CARMIL1: variants seen among roughly 807,000 people sequenced by gnomAD.
CARMIL1 encodes the protein capping protein regulator and myosin 1 linker 1.
In CARMIL1, 90 loss-of-function variants were observed where a neutral mutation model predicts 177.1. The observed-to-expected ratio is 0.51, with a 90% confidence interval of 0.43 to 0.61. CARMIL1 has a LOEUF of 0.61. Ranked by LOEUF, CARMIL1 falls within the 20% of genes least tolerant of loss-of-function variation. The pLI is 0.00. For synonymous variants in CARMIL1, 577 were observed against 606.2 expected (o/e 0.95, Z 0.71); for missense variants, 1,380 against 1,667.0 (o/e 0.83, Z 3.00).
In CARMIL1 at chr6:25,594,432, AG is replaced by A; in HGVS notation, c.3025del (p.Val1009SerfsTer18). 6.2e-7 allele frequency: 1 copy of A among 1,611,420 alleles called. No individual in the cohort carries two copies. The highest frequency in any genetic ancestry group is 8.5e-7 in the Non-Finnish European group (1 of 1,178,566). ...TTTTGCAGGTCTGTGCTGCCAACAT[AG>A]TCTCACAAGATGGTGAACAGAATGG... ...TQAAVCAANI[V>X]SQDGEQNGLM... On this transcript the variant is annotated frameshift_variant, in exon 32 of 37. Transcript: ENST00000329474. LOFTEE classifies it high-confidence loss of function.
chr6:25,369,305 G>C (rs551045943), intron 2 of CARMIL1, among the ~76,000 whole-genome samples: 3 of 151,980 alleles, frequency 2.0e-5, no homozygotes, highest in Non-Finnish European at 1.5e-5. Context: ...TCAGTGTCTC[G>C]AGCTTTAGTT....
chr6:25,500,072 C>G (rs765774909), intron 16 of CARMIL1, 94 bp from the exon 17 acceptor site: 46 of 1,082,678 alleles, frequency 4.2e-5, no homozygotes, highest in Non-Finnish European at 5.4e-5. Context: ...GAAAAGGCAG[C>G]CTTCTTTCTC....
At chr6:25,381,918 C>A (rs1450033980) in intron 2 of CARMIL1, among the ~76,000 whole-genome samples, 1 of 152,070 alleles carries the variant, frequency 6.6e-6, no homozygotes, top group African/African-American at 2.4e-5. Context: ...GTTCCCCTGG[C>A]AACCACCAGC....
intron 11 of CARMIL1, among the ~76,000 whole-genome samples, chr6:25,474,482 A>G (rs992499579): frequency 6.6e-6 from 1 of 152,090 alleles, no homozygotes; most frequent in Non-Finnish European, 1.5e-5. Context: ...TGTCCTTAAT[A>G]TGGTTATTGT....
chr6:25,451,249 A>G (rs1363138515), intron 8 of CARMIL1, among the ~76,000 whole-genome samples: 1 of 152,020 alleles, frequency 6.6e-6, no homozygotes, highest in Non-Finnish European at 1.5e-5. Context: ...TTACCATAAA[A>G]ACAGTATAAT....
At chr6:25,513,742 A>C (rs1243226592) in intron 20 of CARMIL1, among the ~76,000 whole-genome samples, 1 of 152,122 alleles carries the variant, frequency 6.6e-6, no homozygotes, top group Non-Finnish European at 1.5e-5. Context: ...CCACCCAGGC[A>C]CACCTTGAGA....
chr6:25,557,795 T>C (rs1158171895), intron 29 of CARMIL1, among the ~76,000 whole-genome samples: 15 of 152,196 alleles, frequency 9.9e-5, no homozygotes, highest in Non-Finnish European at 1.9e-4. Flanking sequence ...GGAGGGAATG[T>C]AGTGTGTTAA....
At chr6:25,487,724 C>A (rs1183968494) in intron 12 of CARMIL1, among the ~76,000 whole-genome samples, 1 of 152,150 alleles carries the variant, frequency 6.6e-6, no homozygotes, top group Non-Finnish European at 1.5e-5. Context: ...GAAATGGCCC[C>A]CTAGACAACC....
rs968649618 is a variant in CARMIL1 at position 25,550,798 on chromosome 6, G to A, written c.2329-112G>A. ...CTTGGTTGCGCTCTGGGACTCCGTC[G>A]TGCTCCTGTTCTCTGAGGGCTCCGT... On this transcript the variant is annotated intron_variant, in intron 26 of 36. Coordinates refer to ENST00000329474, the MANE Select transcript of CARMIL1 (RefSeq NM_017640.6). The A allele has an allele frequency of 6.1e-5, 57 of 930,914 alleles. 1 individual carries two copies. Among genetic ancestry groups the A allele is most frequent in the East Asian group, 2.4e-4 (10 of 41,220 alleles). 57.7% of individuals were successfully genotyped at this position (930,914 alleles called of 1,614,324 possible).
chr6:25,530,214 G>A (rs962455707), intron 24 of CARMIL1, among the ~76,000 whole-genome samples: 17 of 151,862 alleles, frequency 1.1e-4, no homozygotes, highest in African/African-American at 3.4e-4. Context: ...ATCTTAAAGC[G>A]TTCCAGAAAG....
intron 2 of CARMIL1, among the ~76,000 whole-genome samples, chr6:25,405,493 C>G (rs558699489): frequency 6.6e-6 from 1 of 152,282 alleles, no homozygotes; most frequent in East Asian, 1.9e-4. Flanking sequence ...TACCTGAAAT[C>G]CTTTATTAAA....
intron 36 of CARMIL1, among the ~76,000 whole-genome samples, chr6:25,615,531 G>T (rs1816825478): frequency 6.6e-6 from 1 of 152,138 alleles, no homozygotes; most frequent in African/African-American, 2.4e-5. Flanking sequence ...TGAATGCGTT[G>T]TAATGGCTCC....
intron 32 of CARMIL1, among the ~76,000 whole-genome samples, chr6:25,595,179 G>A (rs1233551497): frequency 2.0e-5 from 3 of 152,132 alleles, no homozygotes; most frequent in Non-Finnish European, 4.4e-5. Flanking sequence ...CAGTCTTTAA[G>A]CATGATTTGT....
intron 2 of CARMIL1, among the ~76,000 whole-genome samples, chr6:25,325,503 A>G (rs1434104797): frequency 6.6e-6 from 1 of 152,182 alleles, no homozygotes; most frequent in Non-Finnish European, 1.5e-5. Context: ...TTCATATGGT[A>G]CTGTTTTGAC....
chr6:25,597,102 T>C (rs1814932083), intron 32 of CARMIL1, among the ~76,000 whole-genome samples: 1 of 152,084 alleles, frequency 6.6e-6, no homozygotes, highest in African/African-American at 2.4e-5. Context: ...TGCTGCATAA[T>C]GGCATGGCAG....
intron 5 of CARMIL1, among the ~76,000 whole-genome samples, chr6:25,446,960 G>A (rs1477004626): frequency 6.6e-6 from 1 of 152,182 alleles, no homozygotes; most frequent in Admixed American, 6.5e-5. Flanking sequence ...TAAGTTTGCT[G>A]TCTTATATGG....
At chr6:25,583,127 C>T (rs1368060003) in intron 31 of CARMIL1, among the ~76,000 whole-genome samples, 1 of 152,224 alleles carries the variant, frequency 6.6e-6, no homozygotes, top group Non-Finnish European at 1.5e-5. Flanking sequence ...TCTCTGAAGA[C>T]TTGGGGACAG....
chr6:25,579,575 T>C (rs1812936584), intron 29 of CARMIL1, among the ~76,000 whole-genome samples: 1 of 152,210 alleles, frequency 6.6e-6, no homozygotes, highest in Non-Finnish European at 1.5e-5. Flanking sequence ...TGGATTCCTT[T>C]CCATTTGCAT....
intron 8 of CARMIL1, among the ~76,000 whole-genome samples, chr6:25,465,188 C>T (rs975165952): frequency 6.6e-6 from 1 of 151,920 alleles, no homozygotes; most frequent in African/African-American, 2.4e-5. Context: ...ATATGAACTC[C>T]TCTGACTAGA....
Sources: allele counts gnomAD v4.1 joint callset (sites outside exome capture counted in the v4.1 genomes callset), GRCh38; gene constraint gnomAD v4.1.1; transcripts MANE v1.5; gene names NCBI Gene and HGNC (gene_info 2026-07-23, HGNC 2026-07-21).